CD84: variants seen among roughly 807,000 people sequenced by gnomAD.
CD84 encodes the protein CD84 molecule.
Under a neutral mutation model 33.8 loss-of-function variants are expected in CD84, and 22 were observed. The observed-to-expected ratio is 0.65, with a 90% CI of 0.46 to 0.93. The LOEUF (loss-of-function observed/expected upper bound fraction) is 0.93, where lower values mean the gene tolerates loss of function less well. Ranked by LOEUF, CD84 falls within the 40% of genes least tolerant of loss-of-function variation. The pLI is 0.00. For synonymous variants in CD84, 154 were observed against 145.2 expected (o/e 1.06, Z -0.44); for missense variants, 400 against 397.6 (o/e 1.01, Z -0.05).
chr1:160,556,121 T>A (rs993006845), intron 2 of CD84, among the ~76,000 whole-genome samples: 1 of 152,106 alleles, frequency 6.6e-6, no homozygotes, highest in African/African-American at 2.4e-5. Flanking sequence ...TACCAATTGT[T>A]GGGGGTAGGT....
At position 160,548,222 on chromosome 1, in the gene CD84, C is replaced by T. The variant is rs760157235; in HGVS notation, c.*34G>A. The T allele has an allele frequency of 9.9e-6, 16 of 1,611,830 alleles. No homozygotes were observed. In the Admixed American group the frequency reaches 2.2e-4, roughly 22 times the overall value. The stretch of plus-strand genomic sequence containing the variant: ...AACCTGCCAGTATTGGTGGTTGTAA[C>T]TCAGTTTCCAGAGGGAGAATTCAGC... On this transcript the variant is annotated 3_prime_UTR_variant, in exon 7 of 7. Coordinates refer to ENST00000368054, the MANE Select transcript of CD84 (RefSeq NM_003874.4).
At chr1:160,576,708 T>G (rs1658010385) in intron 1 of CD84, among the ~76,000 whole-genome samples, 1 of 152,208 alleles carries the variant, frequency 6.6e-6, no homozygotes, top group African/African-American at 2.4e-5. Flanking sequence ...ACTTTTTGGT[T>G]AAGTGGCCTT....
intron 2 of CD84, among the ~76,000 whole-genome samples, chr1:160,561,460 A>C (rs1379661377): frequency 6.6e-6 from 1 of 152,208 alleles, no homozygotes; most frequent in African/African-American, 2.4e-5. Flanking sequence ...ATAAAATTCA[A>C]CATCACTTCA....
In CD84 at chr1:160,548,254, GC is replaced by G. The variant is rs1655950105; in HGVS notation, c.*1del. On this transcript the variant is annotated 3_prime_UTR_variant, in exon 7 of 7. Coordinates refer to ENST00000368054, the MANE Select transcript of CD84 (RefSeq NM_003874.4). ...TCCAGAGGGAGAATTCAGCCCAGCA[GC>G]CTAGATCACAATTTCATAGCTTGAA... 6.2e-7 allele frequency: 1 copy of G among 1,614,024 alleles called. No individual in the cohort carries two copies. The highest frequency in any genetic ancestry group is 8.5e-7 in the Non-Finnish European group (1 of 1,179,994).
chr1:160,548,374 A>C (rs553915708), intron 6 of CD84, 53 bp from the exon 7 acceptor site: 1 of 1,593,410 alleles, frequency 6.3e-7, no homozygotes, highest in African/African-American at 1.3e-5. Context: ...CTGCTGGGGA[A>C]CTCCAGTCCT....
At chr1:160,568,035 C>A (rs1385813041) in intron 1 of CD84, among the ~76,000 whole-genome samples, 1 of 152,160 alleles carries the variant, frequency 6.6e-6, no homozygotes, top group Non-Finnish European at 1.5e-5. Context: ...CAGTCCTGGT[C>A]TCAGATCTCC....
At chr1:160,571,669 T>TG (rs1216412374) in intron 1 of CD84, among the ~76,000 whole-genome samples, 4 of 151,146 alleles carry the variant, frequency 2.6e-5, no homozygotes, top group Non-Finnish European at 4.4e-5. Context: ...GACTGGGGGC[T>TG]GGGGGGGAGG....
intron 2 of CD84, among the ~76,000 whole-genome samples, chr1:160,557,579 G>GTGTT (rs1338550755): frequency 6.6e-6 from 1 of 152,164 alleles, no homozygotes; most frequent in African/African-American, 2.4e-5. Flanking sequence ...AATGGCCAAG[G>GTGTT]TGTTCTCTAT....
At chr1:160,578,437 A>G (rs1435779816) in intron 1 of CD84, among the ~76,000 whole-genome samples, 1 of 152,166 alleles carries the variant, frequency 6.6e-6, no homozygotes, top group East Asian at 1.9e-4. Flanking sequence ...TAAAGGAGCC[A>G]TAGCTTGAAA....
intron 2 of CD84, among the ~76,000 whole-genome samples, chr1:160,557,276 T>G (rs1656672871): frequency 6.6e-6 from 1 of 152,244 alleles, no homozygotes. Context: ...GTATAGAAAC[T>G]GATTCAATCA....
chr1:160,558,614 G>A (rs557323860), intron 2 of CD84, among the ~76,000 whole-genome samples: 6 of 152,224 alleles, frequency 3.9e-5, no homozygotes, highest in Non-Finnish European at 5.9e-5. Flanking sequence ...TCCAGCAAAA[G>A]CAAAGAACTG....
chr1:160,555,812 A>G (rs1656571626), intron 2 of CD84, among the ~76,000 whole-genome samples: 1 of 152,170 alleles, frequency 6.6e-6, no homozygotes, highest in African/African-American at 2.4e-5. Flanking sequence ...AAGATATAAG[A>G]ACCATTATCT....
chr1:160,552,653 C>G (rs1656310522), intron 4 of CD84: 8 of 1,287,316 alleles, frequency 6.2e-6, no homozygotes, highest in African/African-American at 1.5e-5. Context: ...CTGTTGGGAA[C>G]TCCCCATCCC....
intron 5 of CD84, 44 bp from the exon 6 acceptor site, chr1:160,550,023 A>AAAC: frequency 8.2e-7 from 1 of 1,221,328 alleles, no homozygotes; most frequent in Non-Finnish European, 1.2e-6. Context: ...GCCCAGGCCC[A>AAAC]TCTACAAGTC....
chr1:160,578,682 G>T (rs1444845246), intron 1 of CD84, among the ~76,000 whole-genome samples: 5 of 152,242 alleles, frequency 3.3e-5, no homozygotes, highest in African/African-American at 9.6e-5. Flanking sequence ...CCAGATCTAT[G>T]TTAATGTTAC....
At chr1:160,553,834 C>T (rs748377233) in intron 3 of CD84, 61 bp downstream of exon 3, 1 of 1,612,488 alleles carries the variant, frequency 6.2e-7, no homozygotes, top group South Asian at 1.1e-5. Flanking sequence ...CACGTTCAGA[C>T]CTTGCAGCTC....
intron 4 of CD84, among the ~76,000 whole-genome samples, chr1:160,551,628 C>G (rs1284710996): frequency 1.3e-5 from 2 of 152,220 alleles, no homozygotes; most frequent in Non-Finnish European, 2.9e-5. Context: ...ACTGCAACCT[C>G]TATCTTCTGG....
intron 1 of CD84, 97 bp from the exon 2 acceptor site, chr1:160,565,842 A>G: frequency 2.0e-6 from 2 of 1,010,542 alleles, no homozygotes; most frequent in Non-Finnish European, 2.8e-6. Flanking sequence ...AGCTGCCACA[A>G]ATGCAGTTCA....
Position 160,553,453 on chromosome 1 carries a change from C to G in CD84, c.685G>C (p.Val229Leu). The G allele has an allele frequency of 6.2e-7, 1 of 1,614,058 alleles. No homozygotes were observed. The highest frequency in any genetic ancestry group is 8.5e-7 in the Non-Finnish European group (1 of 1,179,992). ...ACAAGCAGAAAGAACATAGCCAGCA[C>G]GCTCAGCAACCCGGTGTGGTGAGTA... is the stretch of plus-strand genomic sequence containing the variant. ...FRTHHTGLLS[V>L]LAMFFLLVLI... The change falls in exon 4 of 7, where the codon GTG becomes CTG. Residue 229 changes from valine to leucine, a missense_variant. By Grantham distance (32) the Val-to-Leu change is conservative (BLOSUM62 1). Transcript: ENST00000368054.
Sources: gnomAD v4.1 joint callset for allele counts (sites outside exome capture counted in the v4.1 genomes callset) on GRCh38, gnomAD v4.1.1 for gene constraint, MANE v1.5 for transcripts, NCBI Gene and HGNC (gene_info 2026-07-23, HGNC 2026-07-21) for gene names.